MARCHF3: variants seen among roughly 807,000 people sequenced by gnomAD.
The protein encoded by MARCHF3 is E3 ubiquitin-protein ligase MARCHF3.
Under a neutral mutation model 24.2 loss-of-function variants are expected in MARCHF3, and 13 were observed. The ratio of observed to expected loss-of-function variants is 0.54; its 90% CI spans 0.35 to 0.85. The LOEUF (loss-of-function observed/expected upper bound fraction) is 0.85. Among genes scored for constraint, MARCHF3 ranks in the 40% least tolerant of loss-of-function variants. MARCHF3 has a pLI of 0.01. For synonymous variants in MARCHF3, 144 were observed against 137.3 expected (o/e 1.05, Z -0.34); for missense variants, 276 against 325.0 (o/e 0.85, Z 1.16).
At chr5:127,008,580 G>T (rs994657215) in intron 1 of MARCHF3, among the ~76,000 whole-genome samples, 2 of 152,200 alleles carry the variant, frequency 1.3e-5, no homozygotes, top group African/African-American at 4.8e-5. Context: ...TTTCATAGTT[G>T]TTGTTCTGGA....
At chr5:126,929,615 T>C (rs1561433120) in intron 1 of MARCHF3, among the ~76,000 whole-genome samples, 1 of 152,224 alleles carries the variant, frequency 6.6e-6, no homozygotes, top group South Asian at 2.1e-4. Flanking sequence ...TTTCCTATGA[T>C]AGCCAGTCTT....
intron 1 of MARCHF3, among the ~76,000 whole-genome samples, chr5:126,927,006 C>A (rs1234656158): frequency 6.6e-6 from 1 of 152,060 alleles, no homozygotes; most frequent in African/African-American, 2.4e-5. Flanking sequence ...CATGAAGACA[C>A]AACTACTGAC....
At chr5:126,987,005 T>C (rs189160905) in intron 1 of MARCHF3, among the ~76,000 whole-genome samples, 47 of 152,334 alleles carry the variant, frequency 3.1e-4, no homozygotes, top group African/African-American at 8.9e-4. Flanking sequence ...GGTCAAACAC[T>C]AGTCTATATG....
chr5:126,931,405 A>G (rs1749475660), intron 1 of MARCHF3, among the ~76,000 whole-genome samples: 1 of 152,216 alleles, frequency 6.6e-6, no homozygotes, highest in South Asian at 2.1e-4. Context: ...TGCACACTAT[A>G]AATAAACGAA....
At chr5:126,890,213 T>A (rs539419624) in intron 3 of MARCHF3, among the ~76,000 whole-genome samples, 18 of 152,128 alleles carry the variant, frequency 1.2e-4, no homozygotes, top group Non-Finnish European at 2.2e-4. Context: ...TGTTTGTAGA[T>A]CACTTTGCTA....
intron 1 of MARCHF3, among the ~76,000 whole-genome samples, chr5:127,014,563 C>A (rs1268669901): frequency 6.6e-6 from 1 of 152,106 alleles, no homozygotes; most frequent in African/African-American, 2.4e-5. Flanking sequence ...CCTAAGTGTC[C>A]ATCAATGGAT....
chr5:126,944,117 C>G (rs1749928362), intron 1 of MARCHF3, among the ~76,000 whole-genome samples: 1 of 152,010 alleles, frequency 6.6e-6, no homozygotes, highest in African/African-American at 2.4e-5. Flanking sequence ...GCCATGAACC[C>G]CTAATCTTAG....
At chr5:126,877,369 A>G (rs940505144) in intron 4 of MARCHF3, among the ~76,000 whole-genome samples, 2 of 152,230 alleles carry the variant, frequency 1.3e-5, no homozygotes, top group Admixed American at 1.3e-4. Flanking sequence ...GAGTAATGCC[A>G]GGAAGCAGGG....
chr5:126,920,099 CAAAG>C (rs1319798658), intron 1 of MARCHF3, among the ~76,000 whole-genome samples: 119 of 152,210 alleles, frequency 7.8e-4, no homozygotes, highest in Non-Finnish European at 1.8e-4. Context: ...TGGAAGAGCA[CAAAG>C]AACACAATAA....
intron 1 of MARCHF3, among the ~76,000 whole-genome samples, chr5:126,935,085 T>C (rs149507144): frequency 3.3e-5 from 5 of 152,300 alleles, no homozygotes; most frequent in South Asian, 4.1e-4. Context: ...TTGGGATAGA[T>C]AGGCAGGCAA....
intron 1 of MARCHF3, among the ~76,000 whole-genome samples, chr5:126,946,813 G>A (rs1437718464): frequency 1.2e-5 from 1 of 86,266 alleles, no homozygotes; most frequent in Non-Finnish European, 2.5e-5. Context: ...TGTGTGTGGT[G>A]GAGGGGAGGG....
At chr5:126,933,648 G>A (rs918590882) in intron 1 of MARCHF3, among the ~76,000 whole-genome samples, 6 of 152,146 alleles carry the variant, frequency 3.9e-5, no homozygotes, top group Admixed American at 6.5e-5. Context: ...GTTTCACCGT[G>A]TTAGCCAGGA....
At chr5:127,012,354 C>G (rs568067009) in intron 1 of MARCHF3, among the ~76,000 whole-genome samples, 8 of 152,016 alleles carry the variant, frequency 5.3e-5, no homozygotes, top group Non-Finnish European at 1.0e-4. Flanking sequence ...AAAAAGCAAC[C>G]TGTGAAAATG....
intron 4 of MARCHF3, among the ~76,000 whole-genome samples, chr5:126,871,307 G>A (rs145068223): frequency 1.1e-3 from 172 of 152,304 alleles, no homozygotes; most frequent in African/African-American, 3.8e-3. Context: ...TGGACAACCT[G>A]CCCAACAGCC....
At chr5:127,019,954 C>G (rs1270306741) in intron 1 of MARCHF3, among the ~76,000 whole-genome samples, 1 of 152,184 alleles carries the variant, frequency 6.6e-6, no homozygotes, top group African/African-American at 2.4e-5. Context: ...TCTCAAGAAT[C>G]CTGGGATAGG....
intron 1 of MARCHF3, among the ~76,000 whole-genome samples, chr5:127,003,273 A>C (rs914487731): frequency 6.6e-6 from 1 of 150,960 alleles, no homozygotes; most frequent in Admixed American, 6.6e-5. Flanking sequence ...AGGTCAGGAG[A>C]TCAAGACCAC....
chr5:126,908,966 T>C (rs1337714938), intron 3 of MARCHF3, among the ~76,000 whole-genome samples: 1 of 152,178 alleles, frequency 6.6e-6, no homozygotes, highest in African/African-American at 2.4e-5. Context: ...CTACTTTTGG[T>C]CTTTGATGAT....
chr5:126,940,120 A>G (rs1749778760), intron 1 of MARCHF3, among the ~76,000 whole-genome samples: 1 of 152,190 alleles, frequency 6.6e-6, no homozygotes, highest in Non-Finnish European at 1.5e-5. Context: ...AAAGCAGATC[A>G]TTGCCTTGTT....
intron 1 of MARCHF3, among the ~76,000 whole-genome samples, chr5:126,978,586 A>C (rs1023200516): frequency 6.6e-6 from 1 of 152,228 alleles, no homozygotes; most frequent in Non-Finnish European, 1.5e-5. Context: ...ACTCGTTCTG[A>C]CTACATTAGT....
Sources: gnomAD v4.1 joint callset for allele counts (sites outside exome capture counted in the v4.1 genomes callset) on GRCh38, gnomAD v4.1.1 for gene constraint, MANE v1.5 for transcripts, NCBI Gene and HGNC (gene_info 2026-07-23, HGNC 2026-07-21) for gene names.